TBC1D12: variants seen among roughly 807,000 people sequenced by gnomAD.
The protein encoded by TBC1D12 is TBC1 domain family member 12, also known as TBC1 domain family, member 12.
Under a neutral mutation model 86.7 loss-of-function variants are expected in TBC1D12, and 56 were observed. The ratio of observed to expected loss-of-function variants is 0.65; its 90% CI spans 0.52 to 0.81. TBC1D12 has a LOEUF of 0.81. Ranked by LOEUF, TBC1D12 falls within the 30% of genes least tolerant of loss-of-function variation. The probability of loss-of-function intolerance (pLI) is 0.00; values close to 1 mark genes in which losing one functional copy is unlikely to be tolerated. For missense variants in TBC1D12, 1,023 were observed against 1,038.8 expected (o/e 0.98, Z 0.21); for synonymous variants, 421 against 411.7 (o/e 1.02, Z -0.27).
chr10:94,527,727 G>T (rs567808460), intron 11 of TBC1D12, among the ~76,000 whole-genome samples: 1 of 152,138 alleles, frequency 6.6e-6, no homozygotes, highest in East Asian at 1.9e-4. Flanking sequence ...TCCATCTTCA[G>T]TTGACTTTTG....
chr10:94,402,732 G>A lies in TBC1D12; in HGVS notation c.119G>A (p.Gly40Asp). 1 of 1,564,650 alleles carries A rather than the reference G, an allele frequency of 6.4e-7. No individual in the cohort carries two copies. The highest frequency in any genetic ancestry group is 8.7e-7 in the Non-Finnish European group (1 of 1,154,558). The change falls in exon 1 of 13, where the codon GGC (glycine) becomes GAC (aspartate). Residue 40 changes from glycine (G) to aspartate (D), a missense_variant. Around this residue, in one of 2 missense-constraint regions of TBC1D12, gnomAD observed 628 missense variants for 531.1 expected, o/e 1.18. Coordinates refer to ENST00000225235, the MANE Select transcript of TBC1D12 (RefSeq NM_015188.2). ...GTAATCCGGGCCACGGGCGGCTTTG[G>A]CGGAGGCGTCGGCGCTGTGGAGCCG... ...RKVIRATGGF[G>D]GGVGAVEPPE...
chr10:94,437,979 A>G (rs2055327663), intron 1 of TBC1D12, among the ~76,000 whole-genome samples: 1 of 78,790 alleles, frequency 1.3e-5, no homozygotes, highest in Non-Finnish European at 2.7e-5. Flanking sequence ...TTTCTTTTTC[A>G]ATCTCCTGGA....
At chr10:94,451,616 A>T (rs1420995855) in intron 2 of TBC1D12, among the ~76,000 whole-genome samples, 1 of 152,150 alleles carries the variant, frequency 6.6e-6, no homozygotes, top group Admixed American at 6.6e-5. Context: ...TATAGTAAGT[A>T]AAGCTGTTTC....
At chr10:94,508,731 C>T (rs1459795928) in intron 7 of TBC1D12, 2 of 152,062 alleles carry the variant, frequency 1.3e-5, no homozygotes, top group Non-Finnish European at 2.9e-5. Flanking sequence ...TAGCGCATAT[C>T]AGCCAGATAT....
chr10:94,431,883 A>G (rs896714391), intron 1 of TBC1D12, among the ~76,000 whole-genome samples: 1 of 152,084 alleles, frequency 6.6e-6, no homozygotes, highest in African/African-American at 2.4e-5. Flanking sequence ...GAAGCTAGGA[A>G]TGTTCCTTTC....
intron 1 of TBC1D12, among the ~76,000 whole-genome samples, chr10:94,403,901 A>G (rs556856529): frequency 5.3e-5 from 8 of 152,086 alleles, no homozygotes; most frequent in Middle Eastern, 3.4e-3. Flanking sequence ...GTCTAGTGCC[A>G]CATATGCAGT....
chr10:94,482,502 G>A (rs1219975749), intron 3 of TBC1D12, among the ~76,000 whole-genome samples: 2 of 151,882 alleles, frequency 1.3e-5, no homozygotes, highest in Admixed American at 1.3e-4. Flanking sequence ...CCAGGCTGGG[G>A]TATAATGACG....
chr10:94,442,082 C>CTTT (rs78976375), intron 2 of TBC1D12, 63 bp downstream of exon 2: 23 of 1,196,062 alleles, frequency 1.9e-5, no homozygotes, highest in Non-Finnish European at 1.9e-5. Flanking sequence ...TCTTCTTCTT[C>CTTT]TTTTTTTTTT....
chr10:94,465,773 C>CATACATATGTATACATACATACGTATAT (rs1491329016), intron 2 of TBC1D12, among the ~76,000 whole-genome samples: 3 of 146,584 alleles, frequency 2.0e-5, no homozygotes, highest in Non-Finnish European at 4.5e-5. Flanking sequence ...CATACGTATA[C>CATACATATGTATACATACATACGTATAT]GCATACATAC....
intron 2 of TBC1D12, among the ~76,000 whole-genome samples, chr10:94,458,135 G>A (rs2055656460): frequency 6.6e-6 from 1 of 152,074 alleles, no homozygotes; most frequent in Admixed American, 6.5e-5. Flanking sequence ...GAGAGAGGGG[G>A]CCTTTAAGAG....
intron 1 of TBC1D12, among the ~76,000 whole-genome samples, chr10:94,430,207 A>G (rs2055197060): frequency 6.6e-6 from 1 of 152,180 alleles, no homozygotes; most frequent in African/African-American, 2.4e-5. Flanking sequence ...ATACAAGTCT[A>G]TTGAAATGAT....
In TBC1D12 at chr10:94,403,114, C is replaced by A; in HGVS notation, c.501C>A (p.Arg167=). 1 of 1,388,982 alleles carries A rather than the reference C, an allele frequency of 7.2e-7. No homozygotes were observed. 86.0% of individuals were successfully genotyped at this position (1,388,982 alleles called of 1,614,324 possible). ...GCGGCCGGGAGTCGCGCCGCCGCCG[C>A]CCCTACGGCCGCCTTCGCCTGGAGG... is the stretch of plus-strand genomic sequence containing the variant. ...RAGGRESRRR[R]PYGRLRLEGP... The change falls in exon 1 of 13, where the codon CGC becomes CGA. Residue 167 remains arginine (R), a synonymous_variant. Coordinates refer to ENST00000225235, the MANE Select transcript of TBC1D12 (RefSeq NM_015188.2).
intron 12 of TBC1D12, among the ~76,000 whole-genome samples, chr10:94,531,759 T>G (rs12257684): frequency 0.21 from 14,254 of 67,010 alleles, 2,159 homozygotes; most frequent in Middle Eastern, 0.34. Context: ...GTTATTTTAT[T>G]TTATTTTATT....
At chr10:94,466,100 G>A (rs533058574) in intron 2 of TBC1D12, among the ~76,000 whole-genome samples, 25 of 151,688 alleles carry the variant, frequency 1.6e-4, no homozygotes, top group African/African-American at 5.8e-4. Context: ...ATTTAAAGTG[G>A]GTTTCTTATA....
intron 1 of TBC1D12, among the ~76,000 whole-genome samples, chr10:94,440,932 C>G (rs1042617424): frequency 6.6e-6 from 1 of 152,182 alleles, no homozygotes; most frequent in Admixed American, 6.5e-5. Flanking sequence ...TCACTGCAAC[C>G]TCCGCCTCTA....
chr10:94,452,582 T>C (rs1261675131), intron 2 of TBC1D12, among the ~76,000 whole-genome samples: 1 of 152,190 alleles, frequency 6.6e-6, no homozygotes, highest in Non-Finnish European at 1.5e-5. Flanking sequence ...AATATACATT[T>C]ATATTTCTTC....
intron 2 of TBC1D12, among the ~76,000 whole-genome samples, chr10:94,456,938 T>C (rs918059672): frequency 2.6e-5 from 4 of 152,220 alleles, no homozygotes; most frequent in African/African-American, 9.6e-5. Context: ...TCCTGATAAC[T>C]TTCCTTGCTC....
At position 94,514,326 on chromosome 10, in the gene TBC1D12, A is replaced by T. The variant is rs191054819; in HGVS notation, c.1761+2672A>T. 7.2e-5 allele frequency among the ~76,000 whole-genome samples: 11 copies of T among 152,268 alleles called. No homozygotes were observed. The East Asian group carries it at 1.4e-3, about 19-fold the overall frequency. On this transcript the variant is annotated intron_variant, in intron 9 of 12. Coordinates refer to ENST00000225235, the MANE Select transcript of TBC1D12 (RefSeq NM_015188.2). ...GGCTCTTGAAGCTGTAGTAAGCCGA[A>T]ATGGTGCCTGGGCGATAGAGTGAGA...
At chr10:94,504,396 A>G (rs1210333641) in intron 6 of TBC1D12, among the ~76,000 whole-genome samples, 2 of 152,172 alleles carry the variant, frequency 1.3e-5, no homozygotes, top group African/African-American at 4.8e-5. Flanking sequence ...TTTCCAACAT[A>G]ATTTTCGATT....
Sources: gnomAD v4.1 joint callset for allele counts (sites outside exome capture counted in the v4.1 genomes callset) on GRCh38, gnomAD v4.1.1 for gene constraint, gnomAD v4.1.1 regional missense constraint, MANE v1.5 for transcripts, NCBI Gene and HGNC (gene_info 2026-07-23, HGNC 2026-07-21) for gene names.